Variants in EPHA6 observed in about 807,000 individuals in gnomAD.
The protein encoded by EPHA6 is EPH receptor A6, also known as ephrin type-A receptor 6.
Under a neutral mutation model 112.0 loss-of-function variants are expected in EPHA6, and 50 were observed. The observed-to-expected ratio is 0.45, with a 90% CI of 0.36 to 0.56. EPHA6 has a LOEUF of 0.56. EPHA6 is among the 20% of genes least tolerant of loss of function. The pLI, the probability that EPHA6 is intolerant of heterozygous loss-of-function variation, is 0.00. For synonymous variants in EPHA6, 529 were observed against 490.7 expected, an observed-to-expected ratio of 1.08 and a Z score of -1.03; for missense variants, 1,280 against 1,417.4, an observed-to-expected ratio of 0.90 and a Z score of 1.56.
intron 5 of EPHA6, among the ~76,000 whole-genome samples, chr3:97,338,384 T>C (rs1484402639): frequency 6.6e-6 from 1 of 152,128 alleles, no homozygotes; most frequent in Non-Finnish European, 1.5e-5. Flanking sequence ...AATGCATCCT[T>C]AACCCTAACT....
intron 11 of EPHA6, among the ~76,000 whole-genome samples, chr3:97,549,931 T>C (rs1263625209): frequency 3.3e-5 from 5 of 152,212 alleles, no homozygotes; most frequent in Non-Finnish European, 7.3e-5. Context: ...ATTCATTACA[T>C]ATGTGAAAAT....
At chr3:97,507,516 A>C (rs1040054697) in intron 10 of EPHA6, among the ~76,000 whole-genome samples, 2 of 152,224 alleles carry the variant, frequency 1.3e-5, no homozygotes, top group African/African-American at 2.4e-5. Flanking sequence ...GGTGAAGCTG[A>C]CTTAATCGTG....
At chr3:97,366,273 G>A (rs189809004) in intron 5 of EPHA6, among the ~76,000 whole-genome samples, 179 of 152,136 alleles carry the variant, frequency 1.2e-3, no homozygotes, top group Admixed American at 2.6e-3. Flanking sequence ...ACTAATAAAA[G>A]CAATATGTTG....
At chr3:97,402,604 C>A (rs1436254571) in intron 5 of EPHA6, among the ~76,000 whole-genome samples, 1 of 151,972 alleles carries the variant, frequency 6.6e-6, no homozygotes, top group Non-Finnish European at 1.5e-5. Context: ...TGTGTTTCTA[C>A]AGTCTATAGT....
intron 14 of EPHA6, among the ~76,000 whole-genome samples, chr3:97,709,234 CA>C (rs1330831177): frequency 2.0e-4 from 30 of 151,854 alleles, no homozygotes; most frequent in Non-Finnish European, 3.8e-4. Context: ...TGCAGAGTCA[CA>C]GGGGCAGAGC....
intron 2 of EPHA6, among the ~76,000 whole-genome samples, chr3:96,946,228 G>T (rs900003659): frequency 6.6e-6 from 1 of 151,734 alleles, no homozygotes; most frequent in Admixed American, 6.6e-5. Context: ...CAACATGCAG[G>T]TTTGTTACGT....
chr3:97,327,740 A>G (rs1256265668), intron 5 of EPHA6, among the ~76,000 whole-genome samples: 1 of 151,250 alleles, frequency 6.6e-6, no homozygotes, highest in Non-Finnish European at 1.5e-5. Flanking sequence ...ACTTTCGGAT[A>G]TTTGCTTTTT....
chr3:97,632,964 C>A (rs566073419), intron 13 of EPHA6, among the ~76,000 whole-genome samples: 13 of 152,044 alleles, frequency 8.6e-5, no homozygotes, highest in Non-Finnish European at 1.5e-4. Flanking sequence ...TTTGTCATAA[C>A]CTCGGTCTAA....
At chr3:97,677,676 G>A (rs1339549178) in intron 14 of EPHA6, among the ~76,000 whole-genome samples, 1 of 147,264 alleles carries the variant, frequency 6.8e-6, no homozygotes, top group Non-Finnish European at 1.5e-5. Context: ...AGCCAAGACT[G>A]CGCCATTGCA....
chr3:97,734,757 T>A (rs2107845377), intron 15 of EPHA6, among the ~76,000 whole-genome samples: 1 of 152,192 alleles, frequency 6.6e-6, no homozygotes, highest in Admixed American at 6.5e-5. Flanking sequence ...TTGCCTGTCT[T>A]TAAATATTAG....
intron 7 of EPHA6, among the ~76,000 whole-genome samples, chr3:97,471,889 G>A (rs1031971762): frequency 6.6e-6 from 1 of 151,666 alleles, no homozygotes; most frequent in Non-Finnish European, 1.5e-5. Context: ...TCACAGCTCT[G>A]GAGACCAAAA....
At chr3:96,966,867 T>C (rs947442621) in intron 2 of EPHA6, among the ~76,000 whole-genome samples, 2 of 152,062 alleles carry the variant, frequency 1.3e-5, no homozygotes, top group African/African-American at 4.8e-5. Context: ...AATTTTGTCC[T>C]AATATTTACT....
At chr3:97,414,798 G>GA (rs780294033) in intron 6 of EPHA6, among the ~76,000 whole-genome samples, 3 of 152,040 alleles carry the variant, frequency 2.0e-5, no homozygotes, top group Non-Finnish European at 4.4e-5. Context: ...AATCTGCCCA[G>GA]AAAAATCAAT....
At chr3:97,744,113 CTAAAT>C (rs2035616978) in intron 16 of EPHA6, among the ~76,000 whole-genome samples, 1 of 151,990 alleles carries the variant, frequency 6.6e-6, no homozygotes, top group African/African-American at 2.4e-5. Context: ...TTTCTATAAT[CTAAAT>C]TAACCATAAT....
intron 16 of EPHA6, among the ~76,000 whole-genome samples, chr3:97,736,639 G>A (rs2035276024): frequency 2.0e-5 from 3 of 151,738 alleles, no homozygotes; most frequent in Admixed American, 2.0e-4. Context: ...ACATCTAGTT[G>A]TTGTTACTCT....
intron 11 of EPHA6, among the ~76,000 whole-genome samples, chr3:97,582,796 C>T (rs1422687608): frequency 6.6e-6 from 1 of 152,122 alleles, no homozygotes; most frequent in Non-Finnish European, 1.5e-5. Context: ...CCTGAAAAAG[C>T]TGGTATCTTA....
chr3:97,023,023 G>C (rs1186114952), intron 3 of EPHA6, among the ~76,000 whole-genome samples: 1 of 152,048 alleles, frequency 6.6e-6, no homozygotes, highest in Non-Finnish European at 1.5e-5. Flanking sequence ...TCTCTCTGTT[G>C]GTCATTGCTT....
intron 12 of EPHA6, among the ~76,000 whole-genome samples, chr3:97,608,102 A>T (rs1383100460): frequency 6.6e-6 from 1 of 151,086 alleles, no homozygotes; most frequent in African/African-American, 2.4e-5. Context: ...AAAAAAAAAA[A>T]TTCCTTAGTT....
chr3:97,662,205 G>A (rs2094174543), intron 14 of EPHA6, among the ~76,000 whole-genome samples: 1 of 152,094 alleles, frequency 6.6e-6, no homozygotes, highest in African/African-American at 2.4e-5. Context: ...TTTAGGCTTA[G>A]GTAATCAGCC....
Sources: gnomAD v4.1 joint callset for allele counts (sites outside exome capture counted in the v4.1 genomes callset) on GRCh38, gnomAD v4.1.1 for gene constraint, MANE v1.5 for transcripts, NCBI Gene and HGNC (gene_info 2026-07-23, HGNC 2026-07-21) for gene names.